AOPEP: variants seen among roughly 807,000 people sequenced by gnomAD.
The protein encoded by AOPEP is aminopeptidase O.
Under a neutral mutation model 98.1 loss-of-function variants are expected in AOPEP, and 77 were observed. The observed-to-expected ratio is 0.78, with a 90% confidence interval of 0.65 to 0.95. AOPEP has a LOEUF of 0.95. Among genes scored for constraint, AOPEP ranks in the 40% least tolerant of loss-of-function variants. The probability of loss-of-function intolerance (pLI) is 0.00; values close to 1 mark genes in which losing one functional copy is unlikely to be tolerated. For missense variants in AOPEP, 1,024 were observed against 1,024.7 expected (o/e 1.00, Z 0.01); for synonymous variants, 346 against 365.3 (o/e 0.95, Z 0.60).
intron 11 of AOPEP, among the ~76,000 whole-genome samples, chr9:94,995,069 C>T (rs2061136850): frequency 6.6e-6 from 1 of 152,168 alleles, no homozygotes; most frequent in Admixed American, 6.5e-5. Context: ...TAATAAGACA[C>T]ATGAGAAACA....
chr9:95,060,969 A>G, intron 14 of AOPEP, 159 bp downstream of exon 14: 1 of 596,418 alleles, frequency 1.7e-6, no homozygotes, highest in Non-Finnish European at 3.0e-6. Context: ...TAATCTGATT[A>G]TGCTTATGCT....
chr9:95,101,292 C>G, the AOPEP span: 1 of 320,764 alleles, frequency 3.1e-6, no homozygotes, highest in Non-Finnish European at 5.9e-6. Context: ...CTAAAAAGAG[C>G]TAAGTTCTCT....
rs1224081103 is a variant in AOPEP at position 95,055,137 on chromosome 9, T to G, written c.2116-5557T>G. Among the ~76,000 whole-genome samples the G allele has an allele frequency of 3.9e-5, 6 of 152,408 alleles. No individual in the cohort carries two copies. In the East Asian group the frequency reaches 1.2e-3, roughly 29 times the overall value. ...ATTTAGAATAAATATATTTCATTTC[T>G]GTCATGATATCCTAGTAGGCAGGCT... On this transcript the variant is annotated intron_variant, in intron 13 of 16. Transcript: ENST00000375315.
chr9:94,969,410 A>G (rs1260946362), intron 10 of AOPEP, among the ~76,000 whole-genome samples: 1 of 151,606 alleles, frequency 6.6e-6, no homozygotes, highest in Admixed American at 6.6e-5. Context: ...CCTGAAACAT[A>G]ATTTCTTTTT....
chr9:94,825,496 C>T (rs1401125038), intron 5 of AOPEP, among the ~76,000 whole-genome samples: 1 of 152,230 alleles, frequency 6.6e-6, no homozygotes, highest in African/African-American at 2.4e-5. Context: ...TTGTGTGAGC[C>T]TTGGTGAAGA....
chr9:95,068,990 A>G (rs2068203293), intron 14 of AOPEP, among the ~76,000 whole-genome samples: 1 of 152,092 alleles, frequency 6.6e-6, no homozygotes, highest in South Asian at 2.1e-4. Flanking sequence ...CTCCTGCCAC[A>G]GCCCTGTTCA....
the AOPEP span, among the ~76,000 whole-genome samples, chr9:95,135,801 G>A: frequency 1.3e-5 from 2 of 152,192 alleles, no homozygotes; most frequent in Non-Finnish European, 2.9e-5. Flanking sequence ...ATAAAAAACG[G>A]GATGGAAAAG....
intron 5 of AOPEP, among the ~76,000 whole-genome samples, chr9:94,851,407 A>G (rs1794732322): frequency 6.6e-6 from 1 of 152,208 alleles, no homozygotes; most frequent in African/African-American, 2.4e-5. Context: ...AACATGTAAT[A>G]GAAATGTTAT....
At position 94,972,427 on chromosome 9, in the gene AOPEP, G is replaced by A. The variant is rs554622570; in HGVS notation, c.1916+4626G>A. Among the ~76,000 whole-genome samples the A allele has an allele frequency of 1.8e-4, 28 of 152,262 alleles. No homozygotes were observed. Among genetic ancestry groups the A allele is most frequent in the Admixed American group, 5.9e-4 (9 of 15,300 alleles). ...TCCTGGTGAAAGAGCCCCGTGGAAC[G>A]CCTTATGCCAGTGTCCTTGCTGCCT... On this transcript the variant is annotated intron_variant, in intron 10 of 16. Coordinates refer to ENST00000375315, the MANE Select transcript of AOPEP (RefSeq NM_001193329.3). This position sits in a 1 kb window ranked among gnomAD's most constrained non-coding sequence, Gnocchi z 4.2.
chr9:95,005,159 C>A lies in AOPEP; in HGVS notation c.1979C>A (p.Pro660Gln), dbSNP rs866044160. The A allele has an allele frequency of 8.7e-7, 1 of 1,150,696 alleles. No individual in the cohort carries two copies. The allele number at this position is 1,150,696 out of a possible 1,614,324, so 71.3% of individuals were successfully genotyped here. Residue 660 changes from proline (P) to glutamine (Q), a missense_variant and splice_region_variant, in exon 12 of 17, where the codon CCG becomes CAG. By Grantham distance (76) the Pro-to-Gln change is moderately conservative. Around this residue, in one of 3 missense-constraint regions of AOPEP, gnomAD observed 566 missense variants for 551.7 expected, o/e 1.03. Coordinates refer to ENST00000375315, the MANE Select transcript of AOPEP (RefSeq NM_001193329.3). ...DWLESSGIPKPLQRERRAGAE... is the reference protein window; with the variant it reads ...DWLESSGIPKQLQRERRAGAE... ...TGACTGTGTCCTCTTCCCCCGCAGCCGCTGCAGAGGGAGCGTCGCGCCGGG... is the reference window on the plus strand; with the variant it reads ...TGACTGTGTCCTCTTCCCCCGCAGCAGCTGCAGAGGGAGCGTCGCGCCGGG...
At chr9:94,910,048 C>T (rs762763958) in intron 5 of AOPEP, among the ~76,000 whole-genome samples, 16 of 152,184 alleles carry the variant, frequency 1.1e-4, no homozygotes, top group Non-Finnish European at 1.9e-4. Flanking sequence ...TCGGTTGCGG[C>T]AAGACTGCTG....
the AOPEP span, among the ~76,000 whole-genome samples, chr9:95,119,349 CTTCT>C: frequency 5.6e-5 from 8 of 142,176 alleles, no homozygotes; most frequent in Non-Finnish European, 9.0e-5. Context: ...TTTTCAGTTC[CTTCT>C]TTCTTCCTTT....
At chr9:94,961,013 CAAAA>C (rs71496990) in intron 9 of AOPEP, among the ~76,000 whole-genome samples, 1 of 118,716 alleles carries the variant, frequency 8.4e-6, no homozygotes, top group African/African-American at 3.1e-5. Context: ...GAATCTGTCT[CAAAA>C]AAAAAAAAAA....
chr9:94,766,355 G>A (rs1176250413), intron 2 of AOPEP, among the ~76,000 whole-genome samples: 2 of 152,158 alleles, frequency 1.3e-5, no homozygotes, highest in African/African-American at 2.4e-5. Context: ...TGGCTGATGA[G>A]GTGAAACCCC....
At chr9:95,090,889 T>C (rs1446636349), downstream of AOPEP, among the ~76,000 whole-genome samples, 1 of 152,220 alleles carries the variant, frequency 6.6e-6, no homozygotes, top group Non-Finnish European at 1.5e-5. Flanking sequence ...ATAGCCTCCA[T>C]GCTAGGCAAG....
intron 15 of AOPEP, among the ~76,000 whole-genome samples, chr9:95,082,203 C>T (rs1007589654): frequency 1.3e-5 from 2 of 152,152 alleles, no homozygotes; most frequent in Non-Finnish European, 2.9e-5. Flanking sequence ...GCAGGAGTCC[C>T]GTGTCTGTAA....
At chr9:95,098,377 C>T in the AOPEP span, among the ~76,000 whole-genome samples, 1 of 152,120 alleles carries the variant, frequency 6.6e-6, no homozygotes, top group Non-Finnish European at 1.5e-5. Context: ...GCACCTTGTC[C>T]CACCACTTAG....
At chr9:94,935,723 T>C (rs908396170) in intron 7 of AOPEP, among the ~76,000 whole-genome samples, 1 of 152,120 alleles carries the variant, frequency 6.6e-6, no homozygotes, top group Admixed American at 6.5e-5. Context: ...GGTGTGGGCA[T>C]GGCCGGCCAT....
intron 7 of AOPEP, among the ~76,000 whole-genome samples, chr9:94,947,828 T>C (rs1380161341): frequency 1.3e-5 from 2 of 152,154 alleles, no homozygotes; most frequent in East Asian, 3.9e-4. Flanking sequence ...GCAGCAGCAC[T>C]GGGGTGAAAG....
Sources: gnomAD v4.1 joint callset for allele counts (sites outside exome capture counted in the v4.1 genomes callset) on GRCh38, gnomAD v4.1.1 for gene constraint, gnomAD v4.1.1 regional missense constraint, Gnocchi (gnomAD v3.1) non-coding constraint, MANE v1.5 for transcripts, NCBI Gene and HGNC (gene_info 2026-07-23, HGNC 2026-07-21) for gene names.